SLC5A1: variants seen among roughly 807,000 people sequenced by gnomAD.
SLC5A1 encodes solute carrier family 5 member 1.
A neutral mutation model predicts 73.5 loss-of-function variants in SLC5A1; 42 were observed. That is an observed-to-expected ratio of 0.57 (90% CI 0.45 to 0.74). The LOEUF (loss-of-function observed/expected upper bound fraction) is 0.74. Among genes scored for constraint, SLC5A1 ranks in the 30% least tolerant of loss-of-function variants. SLC5A1 has a pLI of 0.00. For missense variants in SLC5A1, 634 were observed against 855.4 expected, an observed-to-expected ratio of 0.74 and a Z score of 3.23; for synonymous variants, 300 against 317.4, an observed-to-expected ratio of 0.95 and a Z score of 0.58.
At position 32,111,787 on chromosome 22, in the gene SLC5A1, G is replaced by A. The variant is rs1488997303; in HGVS notation, c.*1574G>A. 1 of 152,164 alleles carries A rather than the reference G, an allele frequency of 6.6e-6. No individual in the cohort carries two copies. Among genetic ancestry groups the A allele is most frequent in the East Asian group, 1.9e-4 (1 of 5,198 alleles). 9.4% of individuals were successfully genotyped at this position (152,164 alleles called of 1,614,324 possible). On this transcript the variant is annotated 3_prime_UTR_variant, in exon 15 of 15. Coordinates refer to ENST00000266088, the MANE Select transcript of SLC5A1 (RefSeq NM_000343.4). ...CAAGCAAAGCCCAACACTCTGATTTGCATTTATGCCAATCTAAACTATCCG... is the reference window on the plus strand; with the variant it reads ...CAAGCAAAGCCCAACACTCTGATTTACATTTATGCCAATCTAAACTATCCG...
intron 1 of SLC5A1, 113 bp from the exon 2 acceptor site, chr22:32,049,830 T>A (rs2093942909): frequency 1.2e-6 from 1 of 852,496 alleles, no homozygotes; most frequent in Non-Finnish European, 2.0e-6. Context: ...TGTGAAAGTG[T>A]TTCAGAAAGT....
intron 14 of SLC5A1, among the ~76,000 whole-genome samples, chr22:32,108,552 T>C (rs964037464): frequency 3.4e-5 from 5 of 147,580 alleles, no homozygotes; most frequent in Admixed American, 6.7e-5. Flanking sequence ...AAAGAGAGAA[T>C]AGAAAGAGAC....
chr22:32,074,056 CA>C (rs1465885796), intron 5 of SLC5A1, among the ~76,000 whole-genome samples: 3 of 152,046 alleles, frequency 2.0e-5, no homozygotes, highest in Non-Finnish European at 4.4e-5. Context: ...GGTCACACTG[CA>C]ATGAGCAGGA....
intron 11 of SLC5A1, among the ~76,000 whole-genome samples, chr22:32,098,825 G>A (rs367572316): frequency 2.6e-5 from 4 of 151,932 alleles, no homozygotes; most frequent in South Asian, 2.1e-4. Context: ...GGTGGCTCAC[G>A]CCTGTAATCC....
intron 2 of SLC5A1, among the ~76,000 whole-genome samples, chr22:32,059,537 G>A (rs865977978): frequency 6.6e-6 from 1 of 152,200 alleles, no homozygotes; most frequent in African/African-American, 2.4e-5. Flanking sequence ...AATTGAGCCA[G>A]TGTGGTTTTG....
intron 13 of SLC5A1, among the ~76,000 whole-genome samples, chr22:32,102,982 C>T (rs1168486886): frequency 6.6e-6 from 1 of 152,158 alleles, no homozygotes; most frequent in Non-Finnish European, 1.5e-5. Context: ...TCAGTGGACA[C>T]TTAGATTGAT....
chr22:32,089,004 T>G (rs148484438), intron 10 of SLC5A1, among the ~76,000 whole-genome samples: 1 of 152,254 alleles, frequency 6.6e-6, no homozygotes, highest in African/African-American at 2.4e-5. Context: ...TGTAAAATTA[T>G]GCACTGTAAA....
At position 32,043,999 on chromosome 22, in the gene SLC5A1, AAGG is replaced by A. The variant is rs1281732329; in HGVS notation, c.135+594_135+596del. ...TTAGAGATGAGAAAGATGGGTGGAA[AAGG>A]AGGAGGAGGAAGACCTGGGGGTGAC... On this transcript the variant is annotated intron_variant, in intron 1 of 14. Coordinates refer to ENST00000266088, the MANE Select transcript of SLC5A1 (RefSeq NM_000343.4). The surrounding 1 kb of genome is among the most constrained non-coding windows in gnomAD (Gnocchi z 6.5). 7.2e-5 allele frequency among the ~76,000 whole-genome samples: 11 copies of A among 152,040 alleles called. No homozygotes were observed. Among genetic ancestry groups the A allele is most frequent in the East Asian group, 3.9e-4 (2 of 5,176 alleles).
intron 10 of SLC5A1, among the ~76,000 whole-genome samples, chr22:32,087,894 AGGAACGT>A (rs1272536182): frequency 6.6e-6 from 1 of 152,212 alleles, no homozygotes; most frequent in Non-Finnish European, 1.5e-5. Context: ...AGGGCCAGGC[AGGAACGT>A]GGTGTCTGGC....
chr22:32,049,972 TGGA>T lies in SLC5A1; in HGVS notation c.168_170del (p.Gly57del). 6.2e-7 allele frequency: 1 copy of T among 1,614,170 alleles called. No individual in the cohort carries two copies. Among genetic ancestry groups the T allele is most frequent in the Non-Finnish European group, 8.5e-7 (1 of 1,180,008 alleles). ...TGTTTTCCACCAATCGTGGGACTGT[TGGA>T]GGCTTCTTCCTGGCAGGCCGAAGTA... On this transcript the variant is annotated inframe_deletion, in exon 2 of 15. Coordinates refer to ENST00000266088, the MANE Select transcript of SLC5A1 (RefSeq NM_000343.4).
chr22:32,109,949 C>A, intron 14 of SLC5A1, 41 bp from the exon 15 acceptor site: 1 of 1,554,338 alleles, frequency 6.4e-7, no homozygotes, highest in Non-Finnish European at 8.9e-7. Context: ...TCTAGTCCAT[C>A]CTGCTTCTGT....
chr22:32,067,081 G>C (rs1298955633), intron 3 of SLC5A1, 42 bp downstream of exon 3: 30 of 1,446,098 alleles, frequency 2.1e-5, no homozygotes, highest in Non-Finnish European at 2.9e-5. Flanking sequence ...GCTGGAAGGA[G>C]CCTTAGCAGT....
chr22:32,060,616 A>G (rs529193660), intron 2 of SLC5A1, among the ~76,000 whole-genome samples: 10 of 152,108 alleles, frequency 6.6e-5, no homozygotes, highest in East Asian at 1.9e-4. Context: ...TGTCCCCCCA[A>G]TTGCAGTGCA....
At chr22:32,091,984 C>T (rs916986568) in intron 11 of SLC5A1, among the ~76,000 whole-genome samples, 1 of 151,890 alleles carries the variant, frequency 6.6e-6, no homozygotes, top group South Asian at 2.1e-4. Context: ...GGAAACAGGT[C>T]GTATTTGGTT....
chr22:32,051,918 G>C (rs1280526168), intron 2 of SLC5A1, among the ~76,000 whole-genome samples: 1 of 152,224 alleles, frequency 6.6e-6, no homozygotes, highest in Admixed American at 6.5e-5. Context: ...TGGAGGGCCA[G>C]ATTTCTTGTT....
Position 32,091,683 on chromosome 22 carries a change from G to A in SLC5A1, c.1201G>A (p.Ala401Thr), listed in dbSNP as rs1391296858. 9.9e-6 allele frequency: 16 copies of A among 1,613,938 alleles called. No individual in the cohort carries two copies. The highest frequency in any genetic ancestry group is 1.7e-5 in the Admixed American group (1 of 59,984). Residue 401 changes from alanine (A) to threonine (T), a missense_variant, in exon 11 of 15, where the codon GCC becomes ACC. This residue lies in a region of SLC5A1 where 422 missense variants were observed against 626.1 expected (regional missense o/e 0.67). Coordinates refer to ENST00000266088, the MANE Select transcript of SLC5A1 (RefSeq NM_000343.4). ...CTCCCTGACCTCCATCTTCAACAGC[G>A]CCAGCACCCTCTTCACCATGGACAT... The part of the protein sequence containing the change: ...MSSLTSIFNS[A>T]STLFTMDIYA...
chr22:32,044,833 T>G (rs2093935046), intron 1 of SLC5A1, among the ~76,000 whole-genome samples: 1 of 152,170 alleles, frequency 6.6e-6, no homozygotes, highest in South Asian at 2.1e-4. Flanking sequence ...GTTTATGGAC[T>G]CTAGGATTAA....
At chr22:32,068,916 A>G (rs141099449) in intron 5 of SLC5A1, among the ~76,000 whole-genome samples, 2 of 152,244 alleles carry the variant, frequency 1.3e-5, no homozygotes, top group Non-Finnish European at 2.9e-5. Context: ...TACTGGGTAT[A>G]TATGTAAAAG....
intron 11 of SLC5A1, among the ~76,000 whole-genome samples, chr22:32,092,001 G>A (rs2094018686): frequency 6.6e-6 from 1 of 151,918 alleles, no homozygotes; most frequent in Non-Finnish European, 1.5e-5. Flanking sequence ...GGTTACATGA[G>A]TAAGCTCTTT....
Sources: gnomAD v4.1 joint callset for allele counts (sites outside exome capture counted in the v4.1 genomes callset) on GRCh38, gnomAD v4.1.1 for gene constraint, gnomAD v4.1.1 regional missense constraint, Gnocchi (gnomAD v3.1) non-coding constraint, MANE v1.5 for transcripts, NCBI Gene and HGNC (gene_info 2026-07-23, HGNC 2026-07-21) for gene names.